The following PTPRD variants were observed in gnomAD, a reference collection of about 807,000 sequenced individuals.
PTPRD encodes receptor-type tyrosine-protein phosphatase delta.
In PTPRD, 34 loss-of-function variants were observed where a neutral mutation model predicts 214.5. That is an observed-to-expected ratio of 0.16 (90% CI 0.12 to 0.21). PTPRD has a LOEUF of 0.21. PTPRD is among the 10% of genes least tolerant of loss of function. The pLI is 1.00. For missense variants in PTPRD, 2,545 were observed against 2,398.7 expected, an observed-to-expected ratio of 1.06 and a Z score of -1.27; for synonymous variants, 1,128 against 845.7, an observed-to-expected ratio of 1.33 and a Z score of -5.79.
chr9:9,381,706 TTG>T (rs1464333834), intron 9 of PTPRD, among the ~76,000 whole-genome samples: 1,077 of 90,498 alleles, frequency 0.012, 10 homozygotes, highest in African/African-American at 0.037. Flanking sequence ...TTTTTGTTTT[TTG>T]TTTTTGTTTT....
intron 7 of PTPRD, among the ~76,000 whole-genome samples, chr9:9,717,884 T>C (rs865808749): frequency 2.6e-4 from 39 of 151,748 alleles, no homozygotes; most frequent in African/African-American, 9.2e-4. Flanking sequence ...TATATTATTA[T>C]AGGAATCAAA....
At chr9:9,351,188 G>A (rs1424559370) in intron 9 of PTPRD, among the ~76,000 whole-genome samples, 1 of 151,958 alleles carries the variant, frequency 6.6e-6, no homozygotes, top group African/African-American at 2.4e-5. Flanking sequence ...GTACAGATTT[G>A]AGTTTTGCCT....
chr9:9,366,581 A>G (rs2057945929), intron 9 of PTPRD, among the ~76,000 whole-genome samples: 1 of 151,576 alleles, frequency 6.6e-6, no homozygotes, highest in Admixed American at 6.6e-5. Flanking sequence ...GTTCTGTTTA[A>G]TCAGACAGAA....
intron 10 of PTPRD, among the ~76,000 whole-genome samples, chr9:9,069,170 C>T (rs1036550071): frequency 1.8e-4 from 28 of 152,116 alleles, no homozygotes; most frequent in African/African-American, 6.8e-4. Context: ...ATTCCCAAGA[C>T]AAGAACTAAT....
At chr9:8,688,552 G>A (rs536540366) in intron 12 of PTPRD, among the ~76,000 whole-genome samples, 55 of 144,372 alleles carry the variant, frequency 3.8e-4, no homozygotes, top group African/African-American at 1.3e-3. Context: ...GCGATAGAGC[G>A]AGACTCTGTC....
rs552605979 is a variant in PTPRD, at chr9:10,490,823, T to A, written c.-600+121575A>T. Among the ~76,000 whole-genome samples the A allele has an allele frequency of 3.5e-4, 54 of 152,310 alleles. No individual in the cohort carries two copies. In the South Asian group the frequency reaches 7.2e-3, roughly 20 times the overall value. On this transcript the variant is annotated intron_variant, in intron 2 of 45. Transcript: ENST00000381196. ...CAGGGAACATTTATTTGAAATTATATGTCATTTAGCATATTTTGCTTTTTG... is the reference window on the plus strand; with the variant it reads ...CAGGGAACATTTATTTGAAATTATAAGTCATTTAGCATATTTTGCTTTTTG...
intron 11 of PTPRD, among the ~76,000 whole-genome samples, chr9:8,743,849 C>A (rs10977273): frequency 0.58 from 87,575 of 150,222 alleles, 26,544 homozygotes; most frequent in South Asian, 0.71. Context: ...AGTTAACAGA[C>A]AACCTACAGA....
intron 10 of PTPRD, among the ~76,000 whole-genome samples, chr9:9,063,827 T>C (rs1029347080): frequency 6.6e-6 from 1 of 152,194 alleles, no homozygotes; most frequent in Non-Finnish European, 1.5e-5. Flanking sequence ...CCGGCAGTTT[T>C]CCCAGTCTAA....
intron 11 of PTPRD, among the ~76,000 whole-genome samples, chr9:8,841,967 C>T (rs920183106): frequency 2.0e-4 from 30 of 151,790 alleles, no homozygotes; most frequent in African/African-American, 3.6e-4. Context: ...GCAGAGATGG[C>T]CCCACTGCAC....
intron 8 of PTPRD, among the ~76,000 whole-genome samples, chr9:9,495,640 C>A (rs533442811): frequency 6.6e-6 from 1 of 152,074 alleles, no homozygotes; most frequent in Non-Finnish European, 1.5e-5. Context: ...TTCCCATCCC[C>A]GCCCCGACTC....
At chr9:9,849,624 C>T (rs1028418484) in intron 5 of PTPRD, among the ~76,000 whole-genome samples, 2 of 151,886 alleles carry the variant, frequency 1.3e-5, no homozygotes, top group Non-Finnish European at 2.9e-5. Context: ...AGTAGAAGCA[C>T]ATTTATGTAA....
chr9:8,986,238 C>T (rs918940369), intron 11 of PTPRD, among the ~76,000 whole-genome samples: 2 of 151,942 alleles, frequency 1.3e-5, no homozygotes, highest in African/African-American at 4.8e-5. Flanking sequence ...AGAAGAAATC[C>T]AAACATTATT....
intron 2 of PTPRD, among the ~76,000 whole-genome samples, chr9:10,428,697 C>G (rs1273160371): frequency 1.3e-5 from 2 of 151,980 alleles, no homozygotes; most frequent in Non-Finnish European, 2.9e-5. Context: ...TCTGCTTAGC[C>G]AAATATCTCT....
intron 9 of PTPRD, among the ~76,000 whole-genome samples, chr9:9,196,052 G>C (rs572202610): frequency 6.6e-6 from 1 of 152,256 alleles, no homozygotes; most frequent in East Asian, 1.9e-4. Context: ...GGGAGGCCAA[G>C]ATTCTAGCCC....
intron 10 of PTPRD, among the ~76,000 whole-genome samples, chr9:9,176,824 C>T (rs1015765538): frequency 6.6e-6 from 1 of 152,190 alleles, no homozygotes; most frequent in East Asian, 1.9e-4. Context: ...TCTCCAGAAC[C>T]ATGAGTCAAA....
chr9:9,348,627 T>C (rs1276251363), intron 9 of PTPRD, among the ~76,000 whole-genome samples: 1 of 152,002 alleles, frequency 6.6e-6, no homozygotes, highest in Non-Finnish European at 1.5e-5. Flanking sequence ...GGGACAGGAG[T>C]TGGGGTAAGA....
At chr9:9,541,958 A>G (rs1569569137) in intron 8 of PTPRD, among the ~76,000 whole-genome samples, 1 of 151,860 alleles carries the variant, frequency 6.6e-6, no homozygotes. Flanking sequence ...GCAGAATAAG[A>G]GTAAAGTAAA....
chr9:8,510,711 C>T lies in PTPRD; in HGVS notation c.1544-3277G>A, dbSNP rs187829669. Among the ~76,000 whole-genome samples the T allele has an allele frequency of 1.4e-4, 21 of 152,196 alleles. 1 individual carries two copies. In the East Asian group the frequency reaches 2.7e-3, roughly 20 times the overall value. On this transcript the variant is annotated intron_variant, in intron 21 of 45. Coordinates refer to ENST00000381196, the MANE Select transcript of PTPRD (RefSeq NM_002839.4). ...TAAGAGTGCACTACCCACACTTCCT[C>T]GGGAACTGAGGGTGTACCTAACGAT...
At chr9:8,472,979 A>G (rs1017469214) in intron 30 of PTPRD, among the ~76,000 whole-genome samples, 1 of 152,198 alleles carries the variant, frequency 6.6e-6, no homozygotes, top group African/African-American at 2.4e-5. Context: ...AGAGGTGCTC[A>G]GCACAGTGTG....
Sources: allele counts gnomAD v4.1 joint callset (sites outside exome capture counted in the v4.1 genomes callset), GRCh38; gene constraint gnomAD v4.1.1; transcripts MANE v1.5; gene names NCBI Gene and HGNC (gene_info 2026-07-23, HGNC 2026-07-21).